TBCK: variants seen among roughly 807,000 people sequenced by gnomAD.
TBCK encodes the protein TBC1 domain containing kinase, also known as TBC domain-containing protein kinase-like protein.
In TBCK, 99 loss-of-function variants were observed where a neutral mutation model predicts 113.4. The observed-to-expected ratio is 0.87, with a 90% CI of 0.74 to 1.03. The LOEUF (loss-of-function observed/expected upper bound fraction) is 1.03. TBCK is among the 50% of genes least tolerant of loss of function. The pLI is 0.00. For missense variants in TBCK, 1,045 were observed against 1,061.3 expected (o/e 0.98, Z 0.21); for synonymous variants, 369 against 370.8 (o/e 1.00, Z 0.05).
intron 23 of TBCK, among the ~76,000 whole-genome samples, chr4:106,163,855 T>C (rs780093617): frequency 2.6e-4 from 40 of 152,090 alleles, no homozygotes; most frequent in Non-Finnish European, 5.4e-4. Context: ...GTCTGGGAAT[T>C]TGTTTGCCTT....
Position 106,116,432 on chromosome 4 carries a change from T to C in TBCK, c.2236-54A>G, listed in dbSNP as rs533355250. The C allele has an allele frequency of 2.1e-4, 287 of 1,380,236 alleles. No individual in the cohort carries two copies. The South Asian group carries it at 3.4e-3, about 16-fold the overall frequency. The allele number at this position is 1,380,236 out of a possible 1,614,324, so 85.5% of individuals were successfully genotyped here. On this transcript the variant is annotated intron_variant, in intron 23 of 25. Coordinates refer to ENST00000394708, the MANE Select transcript of TBCK (RefSeq NM_001163435.3). ...ATTGAGAATATTATAGAAAAACAAA[T>C]TATCCCCAGTAATAGAATATCTTGA...
chr4:106,308,665 C>T, intron 2 of TBCK, 103 bp downstream of exon 2: 17 of 1,028,594 alleles, frequency 1.7e-5, no homozygotes, highest in Non-Finnish European at 2.4e-5. Flanking sequence ...GACATGTGTG[C>T]ACTGGTACTG....
At chr4:106,178,743 A>G (rs1158169142) in intron 22 of TBCK, among the ~76,000 whole-genome samples, 2 of 151,790 alleles carry the variant, frequency 1.3e-5, no homozygotes, top group African/African-American at 4.8e-5. Context: ...TTTTTCATCT[A>G]TGTCCATCAG....
At chr4:106,150,410 G>A (rs1748345157) in intron 23 of TBCK, among the ~76,000 whole-genome samples, 1 of 151,980 alleles carries the variant, frequency 6.6e-6, no homozygotes, top group Non-Finnish European at 1.5e-5. Context: ...AACACATAGG[G>A]ACTTTAGTAA....
At chr4:106,237,632 C>A in intron 12 of TBCK, 1 of 401,910 alleles carries the variant, frequency 2.5e-6, no homozygotes, top group Non-Finnish European at 5.0e-6. Context: ...GAGTTATTCC[C>A]AGAATTTTTA....
intron 3 of TBCK, among the ~76,000 whole-genome samples, chr4:106,291,559 T>C (rs997117083): frequency 2.6e-5 from 4 of 152,136 alleles, no homozygotes; most frequent in South Asian, 4.1e-4. Context: ...AGCAGACTGA[T>C]TAAAAGACAA....
chr4:106,227,408 C>G (rs1224992622), intron 19 of TBCK, among the ~76,000 whole-genome samples: 1 of 146,692 alleles, frequency 6.8e-6, no homozygotes, highest in Non-Finnish European at 1.5e-5. Context: ...GTTCCTCCTA[C>G]TTTTAGCTTT....
chr4:106,216,108 G>T (rs1756877674), intron 19 of TBCK, among the ~76,000 whole-genome samples: 1 of 152,144 alleles, frequency 6.6e-6, no homozygotes, highest in Non-Finnish European at 1.5e-5. Flanking sequence ...ACCTCCTCCT[G>T]AATGACTACT....
intron 12 of TBCK, among the ~76,000 whole-genome samples, chr4:106,239,508 G>A (rs543373901): frequency 6.6e-6 from 1 of 151,968 alleles, no homozygotes; most frequent in Non-Finnish European, 1.5e-5. Context: ...AAGAATACAA[G>A]GGATAGGTGT....
intron 2 of TBCK, among the ~76,000 whole-genome samples, chr4:106,304,539 A>C (rs1353522393): frequency 2.0e-5 from 3 of 152,218 alleles, no homozygotes; most frequent in African/African-American, 4.8e-5. Context: ...AATTTGAAGC[A>C]GTTAGATTTA....
At chr4:106,148,040 T>A (rs528399814) in intron 23 of TBCK, among the ~76,000 whole-genome samples, 1 of 152,286 alleles carries the variant, frequency 6.6e-6, no homozygotes, top group South Asian at 2.1e-4. Context: ...CAGTCTCCCA[T>A]AGCGCTCCCA....
chr4:106,178,297 T>C (rs946220186), intron 22 of TBCK, among the ~76,000 whole-genome samples: 44 of 151,698 alleles, frequency 2.9e-4, no homozygotes, highest in Admixed American at 3.9e-4. Context: ...TCTTTCCAAT[T>C]GAATGTGTTA....
chr4:106,195,581 G>A (rs577345388), intron 20 of TBCK, among the ~76,000 whole-genome samples: 2 of 151,884 alleles, frequency 1.3e-5, no homozygotes, highest in Admixed American at 6.6e-5. Context: ...CCTCTCCAGT[G>A]TGGGTAGGTA....
chr4:106,276,858 A>G (rs1423839630), intron 3 of TBCK, among the ~76,000 whole-genome samples: 1 of 152,084 alleles, frequency 6.6e-6, no homozygotes, highest in Non-Finnish European at 1.5e-5. Flanking sequence ...CAGCCTGGGC[A>G]AGAGTGAGAC....
At chr4:106,110,964 A>G (rs1742780152) in intron 24 of TBCK, among the ~76,000 whole-genome samples, 1 of 150,632 alleles carries the variant, frequency 6.6e-6, no homozygotes, top group African/African-American at 2.5e-5. Flanking sequence ...CAACAAGGCA[A>G]TCATTTCTTT....
Position 106,248,215 on chromosome 4 carries a change from A to G in TBCK, c.782+30T>C, listed in dbSNP as rs761645472. 6.7e-6 allele frequency: 10 copies of G among 1,495,168 alleles called. No homozygotes were observed. The African/African-American group carries it at 9.9e-5, about 15-fold the overall frequency. 92.6% of individuals were successfully genotyped at this position (1,495,168 alleles called of 1,614,324 possible). A position where few individuals can be genotyped will look rare whatever the true frequency, so the allele number is the denominator to read the frequency against. ...AATTGCTTATGCGTAAAGGATCTCA[A>G]TGTAATCCCAATCTCTAAATAATAT... On this transcript the variant is annotated intron_variant, in intron 9 of 25. Transcript: ENST00000394708.
At chr4:106,120,183 C>G (rs1560675529) in intron 23 of TBCK, among the ~76,000 whole-genome samples, 1 of 152,146 alleles carries the variant, frequency 6.6e-6, no homozygotes, top group Non-Finnish European at 1.5e-5. Flanking sequence ...AGTTCCCTTT[C>G]CGAGTCAAAG....
intron 24 of TBCK, among the ~76,000 whole-genome samples, chr4:106,097,167 T>C (rs1257785474): frequency 6.6e-6 from 1 of 152,192 alleles, no homozygotes; most frequent in Non-Finnish European, 1.5e-5. Context: ...AAAATCTAGA[T>C]TAAATATTAA....
intron 20 of TBCK, among the ~76,000 whole-genome samples, chr4:106,202,475 A>T (rs1334492375): frequency 6.6e-6 from 1 of 152,014 alleles, no homozygotes; most frequent in Non-Finnish European, 1.5e-5. Context: ...CAGAGACACC[A>T]TCATTATAGA....
Sources: allele counts gnomAD v4.1 joint callset (sites outside exome capture counted in the v4.1 genomes callset), GRCh38; gene constraint gnomAD v4.1.1; transcripts MANE v1.5; gene names NCBI Gene and HGNC (gene_info 2026-07-23, HGNC 2026-07-21).